Variants in PREX1 observed in about 807,000 individuals in gnomAD.
The protein encoded by PREX1 is phosphatidylinositol-3,4,5-trisphosphate dependent Rac exchange factor 1, also known as phosphatidylinositol 3,4,5-trisphosphate-dependent Rac exchanger 1 protein.
Under a neutral mutation model 198.3 loss-of-function variants are expected in PREX1, and 41 were observed. The observed-to-expected ratio is 0.21, with a 90% confidence interval of 0.16 to 0.27. The LOEUF (loss-of-function observed/expected upper bound fraction) is 0.27, where lower values mean the gene tolerates loss of function less well. Among genes scored for constraint, PREX1 ranks in the 10% least tolerant of loss-of-function variants. The pLI, the probability that PREX1 is intolerant of heterozygous loss-of-function variation, is 1.00. For missense variants in PREX1, 1,620 were observed against 2,200.7 expected, an observed-to-expected ratio of 0.74 and a Z score of 5.28; for synonymous variants, 843 against 887.2, an observed-to-expected ratio of 0.95 and a Z score of 0.89.
At chr20:48,771,272 G>A (rs908777928) in intron 1 of PREX1, among the ~76,000 whole-genome samples, 3 of 150,976 alleles carry the variant, frequency 2.0e-5, no homozygotes, top group East Asian at 1.9e-4. Flanking sequence ...GGTTGTTGCC[G>A]ATTTTGAGCG....
At chr20:48,874,865 G>A in the PREX1 span, among the ~76,000 whole-genome samples, 13 of 150,012 alleles carry the variant, frequency 8.7e-5, no homozygotes, top group African/African-American at 3.2e-4. Flanking sequence ...CAACGGGAGT[G>A]AAACTGTGTC....
At chr20:48,665,687 C>G (rs1407542042) in intron 15 of PREX1, among the ~76,000 whole-genome samples, 3 of 152,152 alleles carry the variant, frequency 2.0e-5, no homozygotes, top group African/African-American at 7.2e-5. Flanking sequence ...TAGAAAGAGC[C>G]CAGGCACACT....
chr20:48,655,260 T>C (rs1210844694), intron 19 of PREX1, 30 bp downstream of exon 19: 1 of 1,506,062 alleles, frequency 6.6e-7, no homozygotes. Flanking sequence ...CTTCTGCACC[T>C]TTCCCCTCTC....
At chr20:48,774,406 A>G (rs889599400) in intron 1 of PREX1, among the ~76,000 whole-genome samples, 23 of 152,168 alleles carry the variant, frequency 1.5e-4, no homozygotes, top group Admixed American at 5.2e-4. Context: ...TTCACCTCCC[A>G]CTTCACATCC....
intron 5 of PREX1, among the ~76,000 whole-genome samples, chr20:48,720,368 G>A (rs1475349652): frequency 6.6e-6 from 1 of 152,106 alleles, no homozygotes; most frequent in East Asian, 1.9e-4. Context: ...AGGGGACAGG[G>A]GTTCAAGCTG....
At chr20:48,861,718 A>T in the PREX1 span, among the ~76,000 whole-genome samples, 1 of 152,018 alleles carries the variant, frequency 6.6e-6, no homozygotes, top group Middle Eastern at 3.2e-3. Flanking sequence ...CTCCTTTTTT[A>T]ACTCCAACCC....
At chr20:48,880,356 C>T in the PREX1 span, among the ~76,000 whole-genome samples, 33 of 152,292 alleles carry the variant, frequency 2.2e-4, no homozygotes, top group African/African-American at 7.7e-4. Context: ...GTGGCATAAA[C>T]ACCACAGATG....
chr20:48,646,812 C>T (rs2089454996), intron 25 of PREX1, among the ~76,000 whole-genome samples: 1 of 152,170 alleles, frequency 6.6e-6, no homozygotes, highest in South Asian at 2.1e-4. Flanking sequence ...GCTAGCTAAA[C>T]CCCAGATTCA....
intron 5 of PREX1, among the ~76,000 whole-genome samples, chr20:48,725,557 T>G (rs1003437457): frequency 1.3e-5 from 2 of 152,240 alleles, no homozygotes; most frequent in African/African-American, 4.8e-5. Context: ...CCAACACCTA[T>G]GCCTGCCCTC....
chr20:48,692,547 C>A (rs1034008010), intron 8 of PREX1, 125 bp downstream of exon 8: 4 of 735,510 alleles, frequency 5.4e-6, no homozygotes, highest in African/African-American at 5.3e-5. Context: ...ATGCTCTGGG[C>A]ACTTTTCTGT....
chr20:48,873,852 A>G, the PREX1 span, among the ~76,000 whole-genome samples: 1 of 152,068 alleles, frequency 6.6e-6, no homozygotes, highest in Admixed American at 6.6e-5. Flanking sequence ...AGAGGTAAAC[A>G]CTTTTCCCAG....
Position 48,827,320 on chromosome 20 carries a change from C to T in PREX1, c.219+322G>A, listed in dbSNP as rs1046348284. On this transcript the variant is annotated intron_variant, in intron 1 of 39. Transcript: ENST00000371941. This position sits in a 1 kb window ranked among gnomAD's most constrained non-coding sequence, Gnocchi z 4.1. ...CAGCTCCCGGCGCCGCCGGGGTCCC[C>T]AAGCCCCTGCATCGCGGATGTAACT... is the stretch of plus-strand genomic sequence containing the variant. Among the ~76,000 whole-genome samples, 4 of 152,276 alleles carry T rather than the reference C, an allele frequency of 2.6e-5. No homozygotes were observed. Among genetic ancestry groups the T allele is most frequent in the African/African-American group, 9.6e-5 (4 of 41,560 alleles).
At chr20:48,685,969 G>A (rs922051726) in intron 10 of PREX1, among the ~76,000 whole-genome samples, 1 of 152,142 alleles carries the variant, frequency 6.6e-6, no homozygotes, top group African/African-American at 2.4e-5. Context: ...GTAGAGAGAG[G>A]AACTGCTAGG....
chr20:48,661,444 A>AAAAAAAAATAT (rs1555832820), intron 15 of PREX1, among the ~76,000 whole-genome samples: 3 of 49,594 alleles, frequency 6.0e-5, no homozygotes, highest in South Asian at 9.5e-4. Context: ...AAAAAAAAAA[A>AAAAAAAAATAT]ATATATATAT....
intron 5 of PREX1, among the ~76,000 whole-genome samples, chr20:48,714,018 G>A (rs2089950018): frequency 6.6e-6 from 1 of 152,158 alleles, no homozygotes; most frequent in Non-Finnish European, 1.5e-5. Flanking sequence ...AACAAATGAT[G>A]CAACTGAATA....
At chr20:48,641,376 T>C (rs956029147) in intron 29 of PREX1, among the ~76,000 whole-genome samples, 12 of 152,218 alleles carry the variant, frequency 7.9e-5, no homozygotes, top group African/African-American at 2.4e-4. Flanking sequence ...TGGCATATTA[T>C]GCTGGCTTTT....
At position 48,652,575 on chromosome 20, in the gene PREX1, C is replaced by T. The variant is rs752592205; in HGVS notation, c.2467+11G>A. ...CTGGAAGCTCCTGTCATGCCATGCCCCGTCTATTACCTGAATCAGCCTGGT... is the reference window on the plus strand; with the variant it reads ...CTGGAAGCTCCTGTCATGCCATGCCTCGTCTATTACCTGAATCAGCCTGGT... On this transcript the variant is annotated intron_variant, in intron 21 of 39. Transcript: ENST00000371941. The T allele has an allele frequency of 1.9e-6, 3 of 1,602,522 alleles. No homozygotes were observed. The highest frequency in any genetic ancestry group is 2.6e-6 in the Non-Finnish European group (3 of 1,172,862).
intron 1 of PREX1, among the ~76,000 whole-genome samples, chr20:48,763,556 T>C (rs1371032735): frequency 2.0e-5 from 3 of 152,216 alleles, no homozygotes; most frequent in Non-Finnish European, 4.4e-5. Flanking sequence ...GGTTTTGTTT[T>C]TTCCTCAGTC....
intron 36 of PREX1, 72 bp from the exon 37 acceptor site, chr20:48,629,693 T>C: frequency 6.7e-7 from 1 of 1,493,626 alleles, no homozygotes; most frequent in Non-Finnish European, 9.2e-7. Context: ...CATCTGGCCC[T>C]CCTCCCCCAC....
Sources: allele counts gnomAD v4.1 joint callset (sites outside exome capture counted in the v4.1 genomes callset), GRCh38; gene constraint gnomAD v4.1.1; non-coding constraint Gnocchi (gnomAD v3.1); transcripts MANE v1.5; gene names NCBI Gene and HGNC (gene_info 2026-07-23, HGNC 2026-07-21).